The following POLA1 variants were observed in gnomAD, a reference collection of about 807,000 sequenced individuals.
POLA1 encodes DNA polymerase alpha catalytic subunit.
A neutral mutation model predicts 124.0 loss-of-function variants in POLA1; 15 were observed. The ratio of observed to expected loss-of-function variants is 0.12; its 90% CI spans 0.08 to 0.19. POLA1 has a LOEUF of 0.19. Among genes scored for constraint, POLA1 ranks in the 10% least tolerant of loss-of-function variants. The pLI, the probability that POLA1 is intolerant of heterozygous loss-of-function variation, is 1.00. For missense variants in POLA1, 886 were observed against 1,103.4 expected (o/e 0.80, Z 2.79); for synonymous variants, 408 against 389.4 (o/e 1.05, Z -0.56).
intron 36 of POLA1, among the ~76,000 whole-genome samples, chrX:24,994,460 C>T (rs1026836692): frequency 4.4e-5 from 5 of 112,442 alleles, no homozygotes; most frequent in Non-Finnish European, 7.5e-5. Context: ...CCTTCCTGAC[C>T]GGTTCCTATC....
intron 2 of POLA1, among the ~76,000 whole-genome samples, chrX:24,702,658 G>C (rs898469938): frequency 8.9e-6 from 1 of 112,425 alleles, no homozygotes; most frequent in Non-Finnish European, 1.9e-5. Context: ...ACCTGAGGAT[G>C]GTGGAGTTTC....
In POLA1 at chrX:24,812,872, AGCTTTCAGTTTT is replaced by A; in HGVS notation, c.3296+15_3296+26del. On this transcript the variant is annotated intron_variant, in intron 29 of 36. Coordinates refer to ENST00000379068, the MANE Select transcript of POLA1 (RefSeq NM_001330360.2). ...GCTAAAGACACTGGAAAGTGAGTTC[AGCTTTCAGTTTT>A]GCTTTTCTTGTTTGTCTTTTAAAAA... 1 of 1,116,327 alleles carries A rather than the reference AGCTTTCAGTTTT, an allele frequency of 9.0e-7. No homozygotes were observed. Among genetic ancestry groups the A allele is most frequent in the Non-Finnish European group, 1.2e-6 (1 of 814,522 alleles). 92.0% of individuals were successfully genotyped at this position (1,116,327 alleles called of 1,213,427 possible).
At chrX:24,875,214 T>C (rs971449242) in intron 34 of POLA1, among the ~76,000 whole-genome samples, 28 of 111,195 alleles carry the variant, frequency 2.5e-4, no homozygotes, top group South Asian at 3.8e-4. Flanking sequence ...AGGTAAAATG[T>C]TATAAGTGAA....
At chrX:24,968,136 TG>T (rs1162936660) in intron 36 of POLA1, among the ~76,000 whole-genome samples, 2 of 111,672 alleles carry the variant, frequency 1.8e-5, no homozygotes, top group Non-Finnish European at 3.8e-5. Context: ...TGGTGGCAGG[TG>T]TTCATGATGA....
At chrX:24,757,436 CT>C (rs66782103) in intron 26 of POLA1, among the ~76,000 whole-genome samples, 22,834 of 61,335 alleles carry the variant, frequency 0.37, 3,520 homozygotes, top group East Asian at 0.52. Flanking sequence ...AAATCTGAAA[CT>C]TTTTTTTTTT....
intron 35 of POLA1, among the ~76,000 whole-genome samples, chrX:24,888,759 A>G (rs2047102752): frequency 9.2e-6 from 1 of 108,486 alleles, no homozygotes; most frequent in African/African-American, 3.4e-5. Context: ...TATTTTTAGT[A>G]GAGATGGAGT....
At chrX:24,913,974 G>C (rs1364754971) in intron 35 of POLA1, among the ~76,000 whole-genome samples, 3 of 110,810 alleles carry the variant, frequency 2.7e-5, no homozygotes, top group Non-Finnish European at 5.7e-5. Flanking sequence ...GTTGCAGTGA[G>C]CCAAGATCGT....
intron 26 of POLA1, among the ~76,000 whole-genome samples, chrX:24,784,641 A>G (rs2045330919): frequency 9.0e-6 from 1 of 110,713 alleles, no homozygotes. Context: ...CCAAGATTGC[A>G]CCACCACACT....
At chrX:24,742,188 G>A in intron 22 of POLA1, 67 bp downstream of exon 22, 1 of 963,628 alleles carries the variant, frequency 1.0e-6, no homozygotes, top group Non-Finnish European at 1.4e-6. Context: ...TACCTAGATA[G>A]CCTTTTTTTT....
intron 34 of POLA1, among the ~76,000 whole-genome samples, chrX:24,866,834 A>G (rs2046800723): frequency 8.9e-6 from 1 of 111,964 alleles, no homozygotes; most frequent in Non-Finnish European, 1.9e-5. Flanking sequence ...CTTGAACTTT[A>G]CCAAACTGCT....
At chrX:24,937,221 C>T (rs1367994490) in intron 36 of POLA1, among the ~76,000 whole-genome samples, 2 of 110,761 alleles carry the variant, frequency 1.8e-5, no homozygotes, top group Non-Finnish European at 3.8e-5. Context: ...AATCTTGAGC[C>T]TCTGGGGGTT....
chrX:24,837,534 C>T (rs970865963), intron 32 of POLA1, among the ~76,000 whole-genome samples: 1 of 111,889 alleles, frequency 8.9e-6, no homozygotes, highest in Non-Finnish European at 1.9e-5. Context: ...CCATTTTTGG[C>T]TATTATGAAT....
At chrX:24,789,623 A>G (rs1158513387) in intron 26 of POLA1, among the ~76,000 whole-genome samples, 1 of 111,392 alleles carries the variant, frequency 9.0e-6, no homozygotes, top group Non-Finnish European at 1.9e-5. Flanking sequence ...CCTTTTTTCT[A>G]TATGCATTTT....
At chrX:24,767,361 G>GC (rs1182614426) in intron 26 of POLA1, among the ~76,000 whole-genome samples, 2 of 111,468 alleles carry the variant, frequency 1.8e-5, no homozygotes, top group Non-Finnish European at 3.8e-5. Flanking sequence ...TTGACTGCCC[G>GC]CCCCCCTTAG....
chrX:24,783,111 G>A (rs1014640385), intron 26 of POLA1, among the ~76,000 whole-genome samples: 3 of 108,179 alleles, frequency 2.8e-5, no homozygotes, highest in Non-Finnish European at 3.8e-5. Context: ...TACACCAGTG[G>A]CCCACAATCC....
chrX:24,928,937 C>T (rs760069314), intron 35 of POLA1, among the ~76,000 whole-genome samples: 2 of 111,646 alleles, frequency 1.8e-5, no homozygotes, highest in Admixed American at 9.5e-5. Context: ...GGAAGGAATG[C>T]GCCCACAAAA....
At chrX:24,976,282 T>C (rs2048363272) in intron 36 of POLA1, among the ~76,000 whole-genome samples, 1 of 111,787 alleles carries the variant, frequency 8.9e-6, no homozygotes. Context: ...CAAAGCAAGC[T>C]CAAATCGGAG....
intron 35 of POLA1, among the ~76,000 whole-genome samples, chrX:24,903,221 A>G: frequency 8.8e-6 from 1 of 113,124 alleles, no homozygotes; most frequent in Non-Finnish European, 1.9e-5. Context: ...TCCGTGATAT[A>G]TCAATGGCAC....
At chrX:24,934,018 T>C (rs1276733642) in intron 36 of POLA1, among the ~76,000 whole-genome samples, 2 of 111,979 alleles carry the variant, frequency 1.8e-5, no homozygotes, top group Non-Finnish European at 3.8e-5. Context: ...GATGGCATAA[T>C]GGATTCAAAG....
Sources: gnomAD v4.1 joint callset for allele counts (sites outside exome capture counted in the v4.1 genomes callset) on GRCh38, gnomAD v4.1.1 for gene constraint, MANE v1.5 for transcripts, NCBI Gene and HGNC (gene_info 2026-07-23, HGNC 2026-07-21) for gene names.